Variants in PHRF1 observed in about 807,000 individuals in gnomAD.
The protein encoded by PHRF1 is PHD and RING finger domain-containing protein 1.
In PHRF1, 53 loss-of-function variants were observed where a neutral mutation model predicts 128.9. The ratio of observed to expected loss-of-function variants is 0.41; its 90% CI spans 0.33 to 0.52. PHRF1 has a LOEUF of 0.52. Among genes scored for constraint, PHRF1 ranks in the 20% least tolerant of loss-of-function variants. The pLI, the probability that PHRF1 is intolerant of heterozygous loss-of-function variation, is 0.21. For missense variants in PHRF1, 2,503 were observed against 2,284.5 expected, an observed-to-expected ratio of 1.10 and a Z score of -1.95; for synonymous variants, 1,178 against 980.6, an observed-to-expected ratio of 1.20 and a Z score of -3.76.
Position 597,454 on chromosome 11 carries a change from A to G in PHRF1, c.778A>G (p.Thr260Ala). The change falls in exon 8 of 18, where the codon ACC (threonine) becomes GCC (alanine). Residue 260 changes from threonine to alanine, a missense_variant. Transcript: ENST00000264555. The surrounding 1 kb of genome is among the most constrained non-coding windows in gnomAD (Gnocchi z 6.5). ...GCTCTTGGCTGATGTGGTGCCCACC[A>G]CCAGCAGGCTTCGGCCTCGAGCAGG... is the stretch of plus-strand genomic sequence containing the variant. ...SLLLADVVPT[T>A]SRLRPRAGRT... The G allele has an allele frequency of 1.9e-6, 3 of 1,612,934 alleles. No homozygotes were observed. Among genetic ancestry groups the G allele is most frequent in the Non-Finnish European group, 2.5e-6 (3 of 1,179,654 alleles).
chr11:605,159 G>T lies in PHRF1; in HGVS notation c.1193G>T (p.Gly398Val). ...CGCTCTCGAATCGCGCGGACGCTGG[G>T]CCTGCGCAGGCCTGTTCACAGCAGC... ...TTRSRIARTL[G>V]LRRPVHSSCI... Residue 398 changes from glycine (G) to valine (V), a missense_variant, in exon 11 of 18, where the codon GGC becomes GTC. Gly to Val is a moderately radical substitution (Grantham distance 109). Coordinates refer to ENST00000264555, the MANE Select transcript of PHRF1 (RefSeq NM_001286581.2). 1 of 1,613,326 alleles carries T rather than the reference G, an allele frequency of 6.2e-7. No homozygotes were observed. Among genetic ancestry groups the T allele is most frequent in the Non-Finnish European group, 8.5e-7 (1 of 1,179,674 alleles).
chr11:601,472 C>CT, intron 9 of PHRF1, 102 bp from the exon 10 acceptor site: 1 of 1,518,822 alleles, frequency 6.6e-7, no homozygotes, highest in South Asian at 1.2e-5. Flanking sequence ...TGTGGTCCCG[C>CT]TGTACCGGCT....
chr11:589,631 C>G (rs764468043), intron 4 of PHRF1, among the ~76,000 whole-genome samples: 1 of 152,362 alleles, frequency 6.6e-6, no homozygotes, highest in East Asian at 1.9e-4. Flanking sequence ...ACAGCACACA[C>G]ACGATGCCGG....
At position 607,574 on chromosome 11, in the gene PHRF1, C is replaced by T; in HGVS notation, c.2118C>T (p.Ile706=). ...AAPAHGQSIE[I]PSACISRLTG... Reference sequence around the variant, plus strand: ...CGGCCCACGGGCAGAGCATTGAGATCCCCAGTGCCTGCATCAGCCGACTGA... The same window carrying T: ...CGGCCCACGGGCAGAGCATTGAGATTCCCAGTGCCTGCATCAGCCGACTGA... Residue 706 remains isoleucine, a synonymous_variant, in exon 14 of 18, where the codon ATC becomes ATT. Transcript: ENST00000264555. The T allele has an allele frequency of 6.2e-7, 1 of 1,612,514 alleles. No individual in the cohort carries two copies. Among genetic ancestry groups the T allele is most frequent in the Non-Finnish European group, 8.5e-7 (1 of 1,179,850 alleles).
At chr11:583,073 G>T (rs1385099708) in intron 3 of PHRF1, among the ~76,000 whole-genome samples, 1 of 151,188 alleles carries the variant, frequency 6.6e-6, no homozygotes, top group Non-Finnish European at 1.5e-5. Flanking sequence ...GGGCGCGGTG[G>T]CTCACGCCTG....
In PHRF1 at chr11:608,040, A is replaced by G. The variant is rs949779737; in HGVS notation, c.2584A>G (p.Thr862Ala). Residue 862 changes from threonine (T) to alanine (A), a missense_variant, in exon 14 of 18, where the codon ACC becomes GCC. By Grantham distance (58) the Thr-to-Ala change is moderately conservative. Coordinates refer to ENST00000264555, the MANE Select transcript of PHRF1 (RefSeq NM_001286581.2). ...PGLLPSEITR[T>A]ISINSPKAQT... ...CCTCCTGCCCTCTGAGATCACACGA[A>G]CCATCTCCATCAACAGCCCGAAGGC... The G allele has an allele frequency of 6.2e-7, 1 of 1,611,138 alleles. No homozygotes were observed. Among genetic ancestry groups the G allele is most frequent in the Non-Finnish European group, 8.5e-7 (1 of 1,179,848 alleles).
At position 610,335 on chromosome 11, in the gene PHRF1, A is replaced by G. The variant is rs372358251; in HGVS notation, c.4404A>G (p.Thr1468=). 5 of 1,565,744 alleles carry G rather than the reference A, an allele frequency of 3.2e-6. No individual in the cohort carries two copies. The African/African-American group carries it at 4.1e-5, about 13-fold the overall frequency. Residue 1468 remains threonine (T), a synonymous_variant, in exon 15 of 18, where the codon ACA becomes ACG. Transcript: ENST00000264555. Reference sequence around the variant, plus strand: ...TTCCGGAACCCGGGTTCCCAGACACAGACCCCTCTCAGGTGGGTGTCTGGG... The same window carrying G: ...TTCCGGAACCCGGGTTCCCAGACACGGACCCCTCTCAGGTGGGTGTCTGGG... ...HVLPEPGFPD[T]DPSQVYSPGL... is the part of the protein sequence containing the mutation.
intron 6 of PHRF1, among the ~76,000 whole-genome samples, chr11:594,273 T>TAGAG (rs113330566): frequency 0.039 from 5,899 of 152,226 alleles, 393 homozygotes; most frequent in African/African-American, 0.13. Flanking sequence ...CATGGCATGA[T>TAGAG]AGACCTGGTC....
chr11:610,943 G>A lies in PHRF1; in HGVS notation c.4678-11G>A. ...CCCTTCCTGGCCGCATCACACACAT[G>A]TCCCCTCTAGTACATGAAGAAGCTG... On this transcript the variant is annotated splice_polypyrimidine_tract_variant and intron_variant, in intron 16 of 17. Coordinates refer to ENST00000264555, the MANE Select transcript of PHRF1 (RefSeq NM_001286581.2). The A allele has an allele frequency of 6.2e-6, 10 of 1,612,332 alleles. No individual in the cohort carries two copies. Among genetic ancestry groups the A allele is most frequent in the Non-Finnish European group, 8.5e-6 (10 of 1,179,392 alleles).
Position 605,623 on chromosome 11 carries a change from A to C in PHRF1, c.1353A>C (p.Ala451=). ...DPFDSSEELS[A]NPLSPLSAKR... ...CCTCTAGCAGTGAAGAGCTTTCTGC[A>C]AACCCTCTTTCCCCTCTGAGTGCCA... Residue 451 remains alanine, a synonymous_variant, in exon 12 of 18, where the codon GCA becomes GCC. Transcript: ENST00000264555. 6.2e-7 allele frequency: 1 copy of C among 1,613,812 alleles called. No individual in the cohort carries two copies. Among genetic ancestry groups the C allele is most frequent in the African/African-American group, 1.3e-5 (1 of 75,036 alleles).
Position 598,405 on chromosome 11 carries a change from G to A in PHRF1, c.927G>A (p.Leu309=), listed in dbSNP as rs759448538. The A allele has an allele frequency of 1.2e-6, 2 of 1,611,012 alleles. No individual in the cohort carries two copies. The highest frequency in any genetic ancestry group is 4.5e-5 in the East Asian group (2 of 44,872). Reference sequence around the variant, plus strand: ...CAGGGCGCCTCGGGTCTTCCCTGCTGGATGAAGCCATCGAGGCTGTGGCGA... The same window carrying A: ...CAGGGCGCCTCGGGTCTTCCCTGCTAGATGAAGCCATCGAGGCTGTGGCGA... ...HTPGRLGSSL[L]DEAIEAVATG... is the part of the protein sequence containing the mutation. The change falls in exon 9 of 18, where the codon CTG becomes CTA. Residue 309 remains leucine, a synonymous_variant. Transcript: ENST00000264555.
intron 4 of PHRF1, among the ~76,000 whole-genome samples, chr11:590,991 C>T (rs906373578): frequency 1.4e-4 from 21 of 152,206 alleles, no homozygotes; most frequent in Non-Finnish European, 1.9e-4. Context: ...GTATGAGCCC[C>T]TGCTCCCGGC....
At position 601,583 on chromosome 11, in the gene PHRF1, A is replaced by C; in HGVS notation, c.1034A>C (p.Lys345Thr). ...AACCTCTTTTCCTTAGGAAGACGGAAGAAAGTGCCGGGAAGAAAGAAAACC... is the reference window on the plus strand; with the variant it reads ...AACCTCTTTTCCTTAGGAAGACGGACGAAAGTGCCGGGAAGAAAGAAAACC... Reference protein sequence around the residue: ...ARRKRKTRRRKKVPGRKKTPS... With the variant: ...ARRKRKTRRRTKVPGRKKTPS... The change falls in exon 10 of 18, where the codon AAG (lysine) becomes ACG (threonine). Residue 345 changes from lysine (K) to threonine (T), a missense_variant. Transcript: ENST00000264555. 1 of 1,613,794 alleles carries C rather than the reference A, an allele frequency of 6.2e-7. No homozygotes were observed. The highest frequency in any genetic ancestry group is 8.5e-7 in the Non-Finnish European group (1 of 1,179,892).
At position 609,410 on chromosome 11, in the gene PHRF1, C is replaced by T. The variant is rs762312344; in HGVS notation, c.3954C>T (p.Ala1318=). The change falls in exon 14 of 18, where the codon GCC becomes GCT. Residue 1318 remains alanine, a synonymous_variant. Transcript: ENST00000264555. ...CCCCAGCCAGCCTGGCCGTGGCCGC[C>T]ATCCAGAGGGAGGTGTCATTGATGC... The part of the protein sequence containing the change: ...ALPPASLAVA[A]IQREVSLMHD... The T allele has an allele frequency of 6.2e-7, 1 of 1,610,248 alleles. No individual in the cohort carries two copies. Among genetic ancestry groups the T allele is most frequent in the Non-Finnish European group, 8.5e-7 (1 of 1,179,854 alleles).
rs1164708886 is a variant in PHRF1 at position 608,489 on chromosome 11, C to T, written c.3033C>T (p.Ser1011=). The T allele has an allele frequency of 2.5e-6, 4 of 1,612,410 alleles. No homozygotes were observed. Among genetic ancestry groups the T allele is most frequent in the Non-Finnish European group, 3.4e-6 (4 of 1,179,814 alleles). ...SRKKAKRKRV[S]REHGRTRSGT... ...AGAAGGCCAAGAGGAAGAGGGTGTC[C>T]AGGGAGCACGGACGGACGCGCTCTG... is the stretch of plus-strand genomic sequence containing the variant. Residue 1011 remains serine, a synonymous_variant, in exon 14 of 18, where the codon TCC becomes TCT. Coordinates refer to ENST00000264555, the MANE Select transcript of PHRF1 (RefSeq NM_001286581.2).
rs758366863 is a variant in PHRF1, at chr11:608,766, T to C, written c.3310T>C (p.Tyr1104His). The C allele has an allele frequency of 3.7e-6, 6 of 1,611,388 alleles. 1 individual carries two copies. The highest frequency in any genetic ancestry group is 2.7e-5 in the African/African-American group (2 of 74,832). The change falls in exon 14 of 18, where the codon TAT (tyrosine) becomes CAT (histidine). Residue 1104 changes from tyrosine to histidine, a missense_variant. Coordinates refer to ENST00000264555, the MANE Select transcript of PHRF1 (RefSeq NM_001286581.2). The stretch of plus-strand genomic sequence containing the variant: ...CCCTGGCAGCTCTTCCTATGAGCAC[T>C]ATGAGAGTAGGAAGAAGAAGAAAAG... ...GSPGSSSYEH[Y>H]ESRKKKKRRS... is the part of the protein sequence containing the mutation.
At position 606,479 on chromosome 11, in the gene PHRF1, G is replaced by T; in HGVS notation, c.1492G>T (p.Glu498Ter). ...TGCCGCGGTGCCAGAGCCAGACTTG[G>T]AGGAGGAGCCAGTGCCTGACCTGCT... ...LPAAVPEPDLEEEPVPDLLGS... is the reference protein window; with the variant it reads ...LPAAVPEPDL Residue 498 changes from glutamate to a stop codon, truncating the protein, a stop_gained, in exon 13 of 18, where the codon GAG becomes TAG. Transcript: ENST00000264555. LOFTEE classifies it high-confidence loss of function. 6.3e-7 allele frequency: 1 copy of T among 1,591,652 alleles called. No homozygotes were observed. The highest frequency in any genetic ancestry group is 1.3e-5 in the African/African-American group (1 of 74,670).
chr11:596,218 C>G (rs1277809036), intron 6 of PHRF1, among the ~76,000 whole-genome samples: 1 of 152,158 alleles, frequency 6.6e-6, no homozygotes, highest in Non-Finnish European at 1.5e-5. Flanking sequence ...GATGAAGTTT[C>G]AAGGATCTTT....
intron 6 of PHRF1, among the ~76,000 whole-genome samples, chr11:596,660 G>A (rs1364319346): frequency 1.3e-5 from 2 of 152,184 alleles, no homozygotes; most frequent in African/African-American, 2.4e-5. Flanking sequence ...ACTTACAGAC[G>A]GCCGCCTCCC....
Sources: gnomAD v4.1 joint callset for allele counts (sites outside exome capture counted in the v4.1 genomes callset) on GRCh38, gnomAD v4.1.1 for gene constraint, Gnocchi (gnomAD v3.1) non-coding constraint, MANE v1.5 for transcripts, NCBI Gene and HGNC (gene_info 2026-07-23, HGNC 2026-07-21) for gene names.